Variants in SMC4 observed in about 807,000 individuals in gnomAD.
SMC4 encodes the protein structural maintenance of chromosomes protein 4.
Under a neutral mutation model 145.6 loss-of-function variants are expected in SMC4, and 87 were observed. That is an observed-to-expected ratio of 0.60 (90% confidence interval 0.50 to 0.71). The LOEUF is 0.71. SMC4 is among the 30% of genes least tolerant of loss of function. SMC4 has a pLI of 0.00. For synonymous variants in SMC4, 558 were observed against 500.7 expected, an observed-to-expected ratio of 1.11 and a Z score of -1.53; for missense variants, 1,447 against 1,537.1, an observed-to-expected ratio of 0.94 and a Z score of 0.98.
rs186212917 is a variant in SMC4 at position 160,402,337 on chromosome 3, A to G, written c.318+244A>G. The stretch of plus-strand genomic sequence containing the variant: ...CTCTAGTTACAAAGTTTTCCATTGA[A>G]TGGAGTCGGTGTGTGTTTCTGTTTG... On this transcript the variant is annotated intron_variant, in intron 3 of 23. Transcript: ENST00000357388. 4.4e-3 allele frequency among the ~76,000 whole-genome samples: 674 copies of G among 152,238 alleles called. 2 individuals carry two copies. Among genetic ancestry groups the G allele is most frequent in the Admixed American group, 7.3e-3 (111 of 15,282 alleles).
At chr3:160,433,312 G>A (rs574944726) in intron 23 of SMC4, 103 bp downstream of exon 23, 3 of 780,226 alleles carry the variant, frequency 3.8e-6, no homozygotes, top group East Asian at 5.1e-5. Context: ...TTTCTTTATT[G>A]TCTAATAACT....
chr3:160,418,967 G>A (rs903482645), intron 11 of SMC4, among the ~76,000 whole-genome samples: 2 of 152,102 alleles, frequency 1.3e-5, no homozygotes, highest in Admixed American at 6.6e-5. Context: ...CAGCATAACC[G>A]TAGTCCTGCC....
intron 11 of SMC4, 104 bp from the exon 12 acceptor site, chr3:160,419,254 C>T (rs1196959233): frequency 4.0e-6 from 3 of 757,420 alleles, no homozygotes; most frequent in South Asian, 5.6e-5. Context: ...TATTGTTGGT[C>T]TTTCTTTCTT....
chr3:160,414,561 C>T lies in SMC4; in HGVS notation c.1272+44C>T, dbSNP rs376457115. ...TTCTTAAAATTTCACGTCTGAATATCATACCTAGTTTTCATGGATGTGTTT... is the reference window on the plus strand; with the variant it reads ...TTCTTAAAATTTCACGTCTGAATATTATACCTAGTTTTCATGGATGTGTTT... On this transcript the variant is annotated intron_variant, in intron 9 of 23. Transcript: ENST00000357388. 1.2e-5 allele frequency: 19 copies of T among 1,542,180 alleles called. No individual in the cohort carries two copies. In the African/African-American group the frequency reaches 2.5e-4, roughly 20 times the overall value.
At chr3:160,408,203 A>G (rs551516872) in intron 5 of SMC4, among the ~76,000 whole-genome samples, 1 of 152,374 alleles carries the variant, frequency 6.6e-6, no homozygotes, top group East Asian at 1.9e-4. Context: ...TACTAGGACA[A>G]CAAAACTTTG....
Position 160,400,890 on chromosome 3 carries a change from TC to T in SMC4, c.68del (p.Pro23LeufsTer36). 1.3e-6 allele frequency: 2 copies of T among 1,507,902 alleles called. No individual in the cohort carries two copies. The highest frequency in any genetic ancestry group is 1.2e-5 in the South Asian group (1 of 81,566). The allele number at this position is 1,507,902 out of a possible 1,614,324, so 93.4% of individuals were successfully genotyped here. A position where few individuals can be genotyped will look rare whatever the true frequency, so the allele number is the denominator to read the frequency against. On this transcript the variant is annotated frameshift_variant, in exon 2 of 24. Transcript: ENST00000357388. LOFTEE classifies it high-confidence loss of function. ...CAGAGAGGAAGGGCCGCCGCCGCCGTCCCCTGACGGCGCCAGCAGCGACGCG... is the reference window on the plus strand; with the variant it reads ...CAGAGAGGAAGGGCCGCCGCCGCCGTCCCTGACGGCGCCAGCAGCGACGCG... ...RRREEGPPPP[S>X]PDGASSDAEP...
intron 13 of SMC4, among the ~76,000 whole-genome samples, chr3:160,422,645 A>G (rs1717305036): frequency 6.6e-6 from 1 of 151,980 alleles, no homozygotes; most frequent in Admixed American, 6.6e-5. Context: ...CACTTTCTTG[A>G]TGGTATCCTT....
chr3:160,423,977 C>A, intron 15 of SMC4, 137 bp downstream of exon 15: 1 of 536,288 alleles, frequency 1.9e-6, no homozygotes, highest in South Asian at 3.8e-5. Flanking sequence ...CTATAAATGA[C>A]TAGGGATTTT....
chr3:160,423,360 T>C lies in SMC4; in HGVS notation c.2020-65T>C, dbSNP rs563064992. 10 of 713,204 alleles carry C rather than the reference T, an allele frequency of 1.4e-5. 1 individual carries two copies. Among genetic ancestry groups the C allele is most frequent in the Non-Finnish European group, 2.0e-5 (10 of 506,174 alleles). 44.2% of individuals were successfully genotyped at this position (713,204 alleles called of 1,614,324 possible). A position where few individuals can be genotyped will look rare whatever the true frequency, so the allele number is the denominator to read the frequency against. On this transcript the variant is annotated intron_variant, in intron 13 of 23. Coordinates refer to ENST00000357388, the MANE Select transcript of SMC4 (RefSeq NM_001002800.3). ...ATTTATTCCTATGGGTTTTTTTTTG[T>C]TTTTTTTTTTGAGTTTTCTTTTTTG...
intron 6 of SMC4, 30 bp from the exon 7 acceptor site, chr3:160,412,296 A>T (rs542232892): frequency 6.4e-7 from 1 of 1,568,916 alleles, no homozygotes; most frequent in African/African-American, 1.4e-5. Context: ...TGAAGTGTGT[A>T]TTCAGTCTTT....
rs1187364598 is a variant in SMC4, at chr3:160,434,615, T to A, written c.*806T>A. On this transcript the variant is annotated 3_prime_UTR_variant, in exon 24 of 24. Transcript: ENST00000357388. ...TCTATTTAGGGGTTAATTACTTTAGTAATAAGTGGAAAGTAAGATACCTTG... is the reference window on the plus strand; with the variant it reads ...TCTATTTAGGGGTTAATTACTTTAGAAATAAGTGGAAAGTAAGATACCTTG... 6.6e-6 allele frequency: 1 copy of A among 152,214 alleles called. No homozygotes were observed. Among genetic ancestry groups the A allele is most frequent in the Non-Finnish European group, 1.5e-5 (1 of 68,032 alleles). The allele number at this position is 152,214 out of a possible 1,614,324, so 9.4% of individuals were successfully genotyped here.
intron 9 of SMC4, among the ~76,000 whole-genome samples, chr3:160,414,973 A>G (rs1443521802): frequency 6.6e-6 from 1 of 152,200 alleles, no homozygotes; most frequent in Non-Finnish European, 1.5e-5. Flanking sequence ...TTTTTCCTAA[A>G]GTAGTAGTTT....
In SMC4 at chr3:160,424,334, A is replaced by T. The variant is rs181481522; in HGVS notation, c.2325+494A>T. On this transcript the variant is annotated intron_variant, in intron 15 of 23. Coordinates refer to ENST00000357388, the MANE Select transcript of SMC4 (RefSeq NM_001002800.3). The stretch of plus-strand genomic sequence containing the variant: ...TTTTTCCCTCCCGTATTTTGAAAAT[A>T]CAAGTTTATGTCCTTCTGCTTAAGT... Among the ~76,000 whole-genome samples, 15 of 152,306 alleles carry T rather than the reference A, an allele frequency of 9.8e-5. No individual in the cohort carries two copies. The East Asian group carries it at 2.9e-3, about 29-fold the overall frequency.
chr3:160,427,056 T>G (rs1717867066), intron 17 of SMC4, among the ~76,000 whole-genome samples: 1 of 152,210 alleles, frequency 6.6e-6, no homozygotes, highest in South Asian at 2.1e-4. Flanking sequence ...AAAAAGATTT[T>G]TAAATGTTGA....
intron 13 of SMC4, among the ~76,000 whole-genome samples, chr3:160,422,666 T>C (rs1717307156): frequency 6.6e-6 from 1 of 152,132 alleles, no homozygotes. Context: ...TGAGGCACAA[T>C]TTATCTTTTT....
intron 4 of SMC4, among the ~76,000 whole-genome samples, chr3:160,403,359 G>A (rs868284650): frequency 3.9e-5 from 6 of 152,060 alleles, no homozygotes; most frequent in Admixed American, 2.6e-4. Flanking sequence ...AGAAATGGGG[G>A]AAGGACAAGC....
At chr3:160,425,195 C>T (rs1026556322) in intron 16 of SMC4, among the ~76,000 whole-genome samples, 176 bp downstream of exon 16, 3 of 152,082 alleles carry the variant, frequency 2.0e-5, no homozygotes, top group Non-Finnish European at 4.4e-5. Context: ...TAATAGATAA[C>T]GCCCTGTCAC....
chr3:160,420,611 C>T (rs1717060216), intron 12 of SMC4, 129 bp from the exon 13 acceptor site: 8 of 823,046 alleles, frequency 9.7e-6, no homozygotes, highest in Non-Finnish European at 1.5e-5. Flanking sequence ...TGTTGTGTAC[C>T]CTTTTGTTCT....
intron 5 of SMC4, among the ~76,000 whole-genome samples, chr3:160,411,375 GA>G (rs893593830): frequency 6.6e-6 from 1 of 152,034 alleles, no homozygotes. Context: ...GACTACCTTT[GA>G]AACCCATTAC....
Sources: gnomAD v4.1 joint callset for allele counts (sites outside exome capture counted in the v4.1 genomes callset) on GRCh38, gnomAD v4.1.1 for gene constraint, MANE v1.5 for transcripts, NCBI Gene and HGNC (gene_info 2026-07-23, HGNC 2026-07-21) for gene names.